TSPAN9: variants seen among roughly 807,000 people sequenced by gnomAD.
The protein encoded by TSPAN9 is tetraspanin 9.
A neutral mutation model predicts 31.0 loss-of-function variants in TSPAN9; 16 were observed. The observed-to-expected ratio is 0.52, with a 90% CI of 0.35 to 0.78. The LOEUF (loss-of-function observed/expected upper bound fraction) is 0.78. TSPAN9 is among the 30% of genes least tolerant of loss of function. The pLI is 0.01. For synonymous variants in TSPAN9, 145 were observed against 121.6 expected, an observed-to-expected ratio of 1.19 and a Z score of -1.27; for missense variants, 272 against 312.5, an observed-to-expected ratio of 0.87 and a Z score of 0.98.
chr12:3,250,630 T>C (rs1483920351), intron 3 of TSPAN9, among the ~76,000 whole-genome samples: 1 of 152,204 alleles, frequency 6.6e-6, no homozygotes, highest in Admixed American at 6.5e-5. Flanking sequence ...CGCCCTGTCC[T>C]TCTCCCACTC....
rs2098335639 is a variant in TSPAN9, at chr12:3,143,091, T to C, written c.-17-58086T>C. Among the ~76,000 whole-genome samples, 1 of 152,222 alleles carries C rather than the reference T, an allele frequency of 6.6e-6. No homozygotes were observed. Among genetic ancestry groups the C allele is most frequent in the Non-Finnish European group, 1.5e-5 (1 of 68,018 alleles). On this transcript the variant is annotated intron_variant, in intron 2 of 8. Transcript: ENST00000011898. The surrounding 1 kb of genome is among the most constrained non-coding windows in gnomAD (Gnocchi z 4.2). ...TTCTTTGTCTTTGGAGAGACCACTG[T>C]GGCATGGTGACGTGTCCTTCTAGGT...
intron 2 of TSPAN9, among the ~76,000 whole-genome samples, chr12:3,142,006 G>T (rs1255853195): frequency 1.3e-5 from 2 of 152,212 alleles, no homozygotes; most frequent in Non-Finnish European, 2.9e-5. Context: ...GCATAGCAAG[G>T]CTTGGTGTCA....
intron 2 of TSPAN9, among the ~76,000 whole-genome samples, chr12:3,125,768 A>G (rs1056383818): frequency 6.6e-6 from 1 of 151,966 alleles, no homozygotes; most frequent in Non-Finnish European, 1.5e-5. Flanking sequence ...GCCTGGTGTC[A>G]CCACAGAGGA....
rs539154901 is a variant in TSPAN9 at position 3,156,661 on chromosome 12, C to G, written c.-17-44516C>G. 4.6e-5 allele frequency among the ~76,000 whole-genome samples: 7 copies of G among 152,234 alleles called. No homozygotes were observed. The South Asian group carries it at 1.5e-3, about 32-fold the overall frequency. On this transcript the variant is annotated intron_variant, in intron 2 of 8. Coordinates refer to ENST00000011898, the MANE Select transcript of TSPAN9 (RefSeq NM_006675.5). Reference sequence around the variant, plus strand: ...CGGCTGGGATTACAGGCATGCGCCACCACAACTGGCTAATTTTTGTATTTT... The same window carrying G: ...CGGCTGGGATTACAGGCATGCGCCAGCACAACTGGCTAATTTTTGTATTTT...
At chr12:3,134,103 G>A (rs535705391) in intron 2 of TSPAN9, among the ~76,000 whole-genome samples, 1 of 152,274 alleles carries the variant, frequency 6.6e-6, no homozygotes, top group African/African-American at 2.4e-5. Flanking sequence ...TTTGCTTCCT[G>A]TGTCAGCTCA....
intron 3 of TSPAN9, among the ~76,000 whole-genome samples, chr12:3,250,249 G>T (rs529540853): frequency 6.6e-6 from 1 of 152,158 alleles, no homozygotes; most frequent in South Asian, 2.1e-4. Flanking sequence ...TACCCATTGC[G>T]TAAAGCTCAG....
At chr12:3,115,842 T>C (rs1470765211) in intron 2 of TSPAN9, among the ~76,000 whole-genome samples, 1 of 152,228 alleles carries the variant, frequency 6.6e-6, no homozygotes, top group African/African-American at 2.4e-5. Flanking sequence ...TAACTGTGTG[T>C]TGAACTGTTT....
Position 3,187,214 on chromosome 12 carries a change from T to C in TSPAN9, c.-17-13963T>C, listed in dbSNP as rs2098361869. Among the ~76,000 whole-genome samples, 1 of 152,160 alleles carries C rather than the reference T, an allele frequency of 6.6e-6. No homozygotes were observed. Among genetic ancestry groups the C allele is most frequent in the South Asian group, 2.1e-4 (1 of 4,824 alleles). ...TGGTCAGAAAGAGCACAGGGGACAC[T>C]GGATGAGGGTGATGAAGGTTGGGGT... On this transcript the variant is annotated intron_variant, in intron 2 of 8. Transcript: ENST00000011898. The surrounding 1 kb of genome is among the most constrained non-coding windows in gnomAD (Gnocchi z 5.2).
chr12:3,141,904 C>A (rs2098335043), intron 2 of TSPAN9, among the ~76,000 whole-genome samples: 1 of 152,196 alleles, frequency 6.6e-6, no homozygotes, highest in African/African-American at 2.4e-5. Flanking sequence ...GACTTGGATG[C>A]AAGGACCCCA....
chr12:3,243,330 AC>A (rs1033762973), intron 3 of TSPAN9, among the ~76,000 whole-genome samples: 125 of 151,866 alleles, frequency 8.2e-4, no homozygotes, highest in African/African-American at 2.9e-3. Flanking sequence ...GTGCTTTACC[AC>A]CTCATTGAAT....
intron 3 of TSPAN9, among the ~76,000 whole-genome samples, chr12:3,272,498 T>G (rs961420892): frequency 8.5e-5 from 12 of 140,592 alleles, no homozygotes; most frequent in African/African-American, 2.5e-4. Flanking sequence ...TGCATGTGTG[T>G]TTTTTTTTTT....
At chr12:3,086,412 G>C (rs1391767378) in intron 2 of TSPAN9, among the ~76,000 whole-genome samples, 1 of 151,812 alleles carries the variant, frequency 6.6e-6, no homozygotes, top group Non-Finnish European at 1.5e-5. Context: ...TTTCTCTCAG[G>C]CTCCCTCACA....
At chr12:3,265,887 A>C (rs557351790) in intron 3 of TSPAN9, among the ~76,000 whole-genome samples, 5 of 152,336 alleles carry the variant, frequency 3.3e-5, no homozygotes, top group African/African-American at 1.2e-4. Context: ...TAGACAGGAT[A>C]CTCAACCTCC....
intron 2 of TSPAN9, among the ~76,000 whole-genome samples, chr12:3,157,441 GAC>G (rs1195115805): frequency 1.3e-5 from 2 of 152,158 alleles, no homozygotes; most frequent in Admixed American, 6.5e-5. Flanking sequence ...TTTGAAGCTA[GAC>G]ACATGTGGGT....
chr12:3,169,946 C>A (rs1197951665), intron 2 of TSPAN9, among the ~76,000 whole-genome samples: 1 of 145,700 alleles, frequency 6.9e-6, no homozygotes, highest in East Asian at 2.1e-4. Context: ...ACCTTCTCTC[C>A]TCATTTTTGC....
At chr12:3,174,802 T>A (rs867762236) in intron 2 of TSPAN9, among the ~76,000 whole-genome samples, 54 of 150,332 alleles carry the variant, frequency 3.6e-4, no homozygotes, top group Admixed American at 1.0e-3. Context: ...CAGGATGGTC[T>A]CGATCTCCTG....
chr12:3,256,149 G>T (rs546803987), intron 3 of TSPAN9, among the ~76,000 whole-genome samples: 1 of 152,226 alleles, frequency 6.6e-6, no homozygotes, highest in Non-Finnish European at 1.5e-5. Context: ...GAGCCAGAGA[G>T]GTGATGAAAG....
chr12:3,102,292 A>G (rs2098312202), intron 2 of TSPAN9, among the ~76,000 whole-genome samples: 1 of 151,940 alleles, frequency 6.6e-6, no homozygotes, highest in Non-Finnish European at 1.5e-5. Flanking sequence ...CCCTGCCAAC[A>G]TTTTTAAAAT....
At chr12:3,205,662 C>T (rs1444194936) in intron 3 of TSPAN9, among the ~76,000 whole-genome samples, 1 of 151,912 alleles carries the variant, frequency 6.6e-6, no homozygotes, top group Non-Finnish European at 1.5e-5. Context: ...CTGGCCTCAC[C>T]TGGCATCTCC....
Sources: gnomAD v4.1 joint callset for allele counts (sites outside exome capture counted in the v4.1 genomes callset) on GRCh38, gnomAD v4.1.1 for gene constraint, Gnocchi (gnomAD v3.1) non-coding constraint, MANE v1.5 for transcripts, NCBI Gene and HGNC (gene_info 2026-07-23, HGNC 2026-07-21) for gene names.